The following RAPGEF4 variants were observed in gnomAD, a reference collection of about 807,000 sequenced individuals.
The protein encoded by RAPGEF4 is RAP guanine-nucleotide-exchange factor (GEF) 4.
A neutral mutation model predicts 147.9 loss-of-function variants in RAPGEF4; 66 were observed. That is an observed-to-expected ratio of 0.45 (90% confidence interval 0.37 to 0.55). RAPGEF4 has a LOEUF of 0.55. Among genes scored for constraint, RAPGEF4 ranks in the 20% least tolerant of loss-of-function variants. RAPGEF4 has a pLI of 0.00. For missense variants in RAPGEF4, 1,071 were observed against 1,257.3 expected (o/e 0.85, Z 2.24); for synonymous variants, 419 against 442.7 (o/e 0.95, Z 0.67).
At chr2:172,863,734 A>C (rs996959681) in intron 4 of RAPGEF4, among the ~76,000 whole-genome samples, 1 of 152,228 alleles carries the variant, frequency 6.6e-6, no homozygotes, top group Non-Finnish European at 1.5e-5. Flanking sequence ...CCAACTGGCA[A>C]AAAGGTTGTT....
At chr2:172,966,694 T>C (rs1011678863) in intron 9 of RAPGEF4, among the ~76,000 whole-genome samples, 3 of 152,146 alleles carry the variant, frequency 2.0e-5, no homozygotes, top group South Asian at 2.1e-4. Context: ...TGGAAGAAAA[T>C]TACCACAAAA....
chr2:172,963,534 A>G (rs1689515471), intron 8 of RAPGEF4, among the ~76,000 whole-genome samples: 1 of 152,248 alleles, frequency 6.6e-6, no homozygotes, highest in Admixed American at 6.5e-5. Context: ...GATAATGGAA[A>G]CTAGAAGTTA....
At chr2:172,770,377 C>T (rs1276453440) in intron 1 of RAPGEF4, among the ~76,000 whole-genome samples, 2 of 152,154 alleles carry the variant, frequency 1.3e-5, no homozygotes, top group Non-Finnish European at 2.9e-5. Flanking sequence ...TTCCCAACAC[C>T]CCAAGCTCAG....
At chr2:172,895,405 A>G (rs1263141488) in intron 4 of RAPGEF4, among the ~76,000 whole-genome samples, 1 of 152,154 alleles carries the variant, frequency 6.6e-6, no homozygotes, top group African/African-American at 2.4e-5. Context: ...TCCTCACCTG[A>G]GGGCTGAATG....
intron 4 of RAPGEF4, among the ~76,000 whole-genome samples, chr2:172,834,623 CT>C (rs1346722339): frequency 1.3e-5 from 2 of 152,136 alleles, no homozygotes; most frequent in Middle Eastern, 3.2e-3. Context: ...TCTTCTTCTT[CT>C]TCTAATTGGA....
intron 4 of RAPGEF4, among the ~76,000 whole-genome samples, chr2:172,820,107 C>T (rs923250857): frequency 1.3e-5 from 2 of 152,104 alleles, no homozygotes; most frequent in African/African-American, 2.4e-5. Context: ...AGGATGATTT[C>T]AGGTTTGTGG....
chr2:172,936,717 G>A (rs1375254453), intron 6 of RAPGEF4, among the ~76,000 whole-genome samples: 2 of 151,592 alleles, frequency 1.3e-5, no homozygotes, highest in East Asian at 3.9e-4. Flanking sequence ...CTTCGTTCCT[G>A]ATGTTCCTAG....
rs540541103 is a variant in RAPGEF4 at position 173,042,668 on chromosome 2, A to T, written c.2854-5932A>T. On this transcript the variant is annotated intron_variant, in intron 29 of 30. Coordinates refer to ENST00000397081, the MANE Select transcript of RAPGEF4 (RefSeq NM_007023.4). This position sits in a 1 kb window ranked among gnomAD's most constrained non-coding sequence, Gnocchi z 4.2. ...AATTGGATTAACCAAAATGTCCCAA[A>T]GCATTTTGCATAACTGAGACATTAT... Among the ~76,000 whole-genome samples, 2 of 152,170 alleles carry T rather than the reference A, an allele frequency of 1.3e-5. No homozygotes were observed. Among genetic ancestry groups the T allele is most frequent in the South Asian group, 4.2e-4 (2 of 4,812 alleles).
At position 173,051,763 on chromosome 2, in the gene RAPGEF4, C is replaced by T; in HGVS notation, c.3032C>T (p.Pro1011Leu). The T allele has an allele frequency of 6.2e-7, 1 of 1,613,384 alleles. No homozygotes were observed. The highest frequency in any genetic ancestry group is 8.5e-7 in the Non-Finnish European group (1 of 1,179,662). ...QMSHRLEPRR[P>L] Reference sequence around the variant, plus strand: ...TCACACAGATTAGAGCCTCGTCGACCATAGACATTTCAAATGCCCAAAGCA... The same window carrying T: ...TCACACAGATTAGAGCCTCGTCGACTATAGACATTTCAAATGCCCAAAGCA... Residue 1011 changes from proline (P) to leucine (L), a missense_variant, in exon 31 of 31, where the codon CCA becomes CTA. Coordinates refer to ENST00000397081, the MANE Select transcript of RAPGEF4 (RefSeq NM_007023.4).
chr2:172,977,890 G>C (rs773267082), intron 10 of RAPGEF4, among the ~76,000 whole-genome samples: 19 of 152,228 alleles, frequency 1.2e-4, no homozygotes, highest in Admixed American at 2.6e-4. Context: ...TTTGCTGCCT[G>C]GGTGGATTGC....
chr2:172,805,546 T>C (rs1307011389), intron 3 of RAPGEF4, among the ~76,000 whole-genome samples: 1 of 152,190 alleles, frequency 6.6e-6, no homozygotes, highest in Admixed American at 6.5e-5. Flanking sequence ...TTCTTCATCT[T>C]AACCCAAGGA....
chr2:172,972,598 T>TA (rs1464387546), intron 10 of RAPGEF4, among the ~76,000 whole-genome samples: 2 of 152,192 alleles, frequency 1.3e-5, no homozygotes, highest in Non-Finnish European at 1.5e-5. Flanking sequence ...TTTACCTGAA[T>TA]AAATGATTGC....
intron 4 of RAPGEF4, among the ~76,000 whole-genome samples, chr2:172,834,480 G>T (rs571911309): frequency 2.2e-4 from 34 of 152,298 alleles, no homozygotes; most frequent in African/African-American, 7.9e-4. Flanking sequence ...TACAATTGTG[G>T]TGACTGGTGC....
At chr2:172,973,215 T>C (rs1193356016) in intron 10 of RAPGEF4, among the ~76,000 whole-genome samples, 1 of 151,376 alleles carries the variant, frequency 6.6e-6, no homozygotes, top group East Asian at 1.9e-4. Context: ...TGAGCTCAAG[T>C]GGTGCTCCCA....
At chr2:172,797,671 C>G in intron 3 of RAPGEF4, 58 bp downstream of exon 3, 1 of 1,306,846 alleles carries the variant, frequency 7.7e-7, no homozygotes, top group Non-Finnish European at 1.1e-6. Flanking sequence ...CTTATTATCC[C>G]TATGTCTTTT....
At chr2:172,750,992 A>T (rs558882924) in intron 1 of RAPGEF4, among the ~76,000 whole-genome samples, 1 of 152,012 alleles carries the variant, frequency 6.6e-6, no homozygotes, top group Non-Finnish European at 1.5e-5. Flanking sequence ...TATTTACTGG[A>T]CCTGTTACAG....
intron 15 of RAPGEF4, among the ~76,000 whole-genome samples, chr2:172,994,856 C>T (rs920832123): frequency 6.9e-6 from 1 of 145,534 alleles, no homozygotes; most frequent in Non-Finnish European, 1.6e-5. Flanking sequence ...TGAAAGTAGA[C>T]TATTTTTTTT....
chr2:172,956,627 G>A (rs1227248721), intron 6 of RAPGEF4, among the ~76,000 whole-genome samples: 3 of 151,916 alleles, frequency 2.0e-5, no homozygotes, highest in African/African-American at 4.8e-5. Context: ...CCGCCACCAC[G>A]CCCGGCTAAT....
intron 2 of RAPGEF4, among the ~76,000 whole-genome samples, chr2:172,796,335 C>T (rs988980488): frequency 1.3e-5 from 2 of 152,136 alleles, no homozygotes; most frequent in African/African-American, 4.8e-5. Context: ...CTTGTAATCC[C>T]AGCACTTTGG....
Sources: allele counts gnomAD v4.1 joint callset (sites outside exome capture counted in the v4.1 genomes callset), GRCh38; gene constraint gnomAD v4.1.1; non-coding constraint Gnocchi (gnomAD v3.1); transcripts MANE v1.5; gene names NCBI Gene and HGNC (gene_info 2026-07-23, HGNC 2026-07-21).